Variants in ZMYM2 observed in about 807,000 individuals in gnomAD.
ZMYM2 encodes zinc finger MYM-type containing 2, also known as zinc finger MYM-type protein 2.
Under a neutral mutation model 162.8 loss-of-function variants are expected in ZMYM2, and 56 were observed. The ratio of observed to expected loss-of-function variants is 0.34; its 90% CI spans 0.28 to 0.43. The LOEUF (loss-of-function observed/expected upper bound fraction) is 0.43, where lower values mean the gene tolerates loss of function less well. Ranked by LOEUF, ZMYM2 falls within the 20% of genes least tolerant of loss-of-function variation. ZMYM2 has a pLI of 1.00. For synonymous variants in ZMYM2, 510 were observed against 541.6 expected, an observed-to-expected ratio of 0.94 and a Z score of 0.81; for missense variants, 1,275 against 1,621.8, an observed-to-expected ratio of 0.79 and a Z score of 3.67.
the ZMYM2 span, among the ~76,000 whole-genome samples, chr13:19,946,702 T>G: frequency 1.3e-5 from 2 of 152,336 alleles, no homozygotes; most frequent in East Asian, 3.9e-4. Flanking sequence ...TTGGCCTAAC[T>G]TAGACTCCCA....
At position 20,085,699 on chromosome 13, in the gene ZMYM2, G is replaced by A. The variant is rs1958217303; in HGVS notation, c.3942-123G>A. The A allele has an allele frequency of 1.0e-5, 7 of 673,902 alleles. No homozygotes were observed. The South Asian group carries it at 1.6e-4, about 15-fold the overall frequency. 41.7% of individuals were successfully genotyped at this position (673,902 alleles called of 1,614,324 possible). A position where few individuals can be genotyped will look rare whatever the true frequency, so the allele number is the denominator to read the frequency against. On this transcript the variant is annotated intron_variant, in intron 24 of 24. Coordinates refer to ENST00000610343, the MANE Select transcript of ZMYM2 (RefSeq NM_197968.4). ...TTTTAATGACAGAATAATGGAGACA[G>A]TGGGGCATAGGGGGTCTGGTCATAT...
In ZMYM2 at chr13:20,009,881, G is replaced by A. The variant is rs188623949; in HGVS notation, c.1512+3295G>A. Reference sequence around the variant, plus strand: ...GAATAATGCTGCAGTGAATATTGGTGTATAAATTTGATATAAGTATCCTGG... The same window carrying A: ...GAATAATGCTGCAGTGAATATTGGTATATAAATTTGATATAAGTATCCTGG... On this transcript the variant is annotated intron_variant, in intron 6 of 24. Coordinates refer to ENST00000610343, the MANE Select transcript of ZMYM2 (RefSeq NM_197968.4). 1.2e-3 allele frequency among the ~76,000 whole-genome samples: 188 copies of A among 152,302 alleles called. 1 individual carries two copies. Among genetic ancestry groups the A allele is most frequent in the Non-Finnish European group, 2.2e-3 (151 of 68,020 alleles).
chr13:19,953,550 G>T, the ZMYM2 span, among the ~76,000 whole-genome samples: 3 of 151,950 alleles, frequency 2.0e-5, no homozygotes, highest in Non-Finnish European at 4.4e-5. Flanking sequence ...TGGGCGTGGT[G>T]GCGCTTGCCT....
At chr13:19,929,917 C>T in the ZMYM2 span, among the ~76,000 whole-genome samples, 1 of 152,222 alleles carries the variant, frequency 6.6e-6, no homozygotes, top group Non-Finnish European at 1.5e-5. Flanking sequence ...TCTTCCTGGC[C>T]TCAAATTAGT....
the ZMYM2 span, among the ~76,000 whole-genome samples, chr13:19,885,556 T>C: frequency 4.6e-5 from 7 of 152,124 alleles, no homozygotes; most frequent in Non-Finnish European, 7.3e-5. Context: ...ATATGTATTT[T>C]AGGCTGGGTG....
the ZMYM2 span, among the ~76,000 whole-genome samples, chr13:19,946,807 T>C: frequency 6.6e-6 from 1 of 152,208 alleles, no homozygotes; most frequent in East Asian, 1.9e-4. Context: ...CACCACAAAG[T>C]GTACATTTAA....
At position 20,034,314 on chromosome 13, in the gene ZMYM2, A is replaced by G. The variant is rs769217602; in HGVS notation, c.2029A>G (p.Ile677Val). 56 of 1,611,530 alleles carry G rather than the reference A, an allele frequency of 3.5e-5. No individual in the cohort carries two copies. Among genetic ancestry groups the G allele is most frequent in the Non-Finnish European group, 4.5e-5 (53 of 1,179,156 alleles). ...CSDDYKKLHCIVTYCEYCQEE... is the reference protein window; with the variant it reads ...CSDDYKKLHCVVTYCEYCQEE... ...AGATGACTATAAGAAGTTGCATTGC[A>G]TAGTTACATATTGCGAATACTGTCA... The change falls in exon 11 of 25, where the codon ATA becomes GTA. Residue 677 changes from isoleucine (I) to valine (V), a missense_variant. This residue lies in a region of ZMYM2 where 276 missense variants were observed against 311.8 expected (regional missense o/e 0.89). Transcript: ENST00000610343.
chr13:20,012,039 A>G (rs1350978407), intron 6 of ZMYM2, among the ~76,000 whole-genome samples: 1 of 151,808 alleles, frequency 6.6e-6, no homozygotes, highest in African/African-American at 2.4e-5. Flanking sequence ...CGTGAGCCAC[A>G]GCGCCTGGGC....
chr13:19,897,472 A>T, the ZMYM2 span, among the ~76,000 whole-genome samples: 2 of 152,140 alleles, frequency 1.3e-5, no homozygotes, highest in Non-Finnish European at 2.9e-5. Flanking sequence ...GCCCCTGGGC[A>T]GGCCAGGAGC....
intron 6 of ZMYM2, among the ~76,000 whole-genome samples, chr13:20,017,200 ACTTTACCATGG>A (rs1951700098): frequency 6.6e-6 from 1 of 152,164 alleles, no homozygotes; most frequent in Non-Finnish European, 1.5e-5. Flanking sequence ...GCCTTCTCTG[ACTTTACCATGG>A]CTAGGGTGCT....
At chr13:20,022,515 A>G (rs1210888071) in intron 7 of ZMYM2, among the ~76,000 whole-genome samples, 2 of 152,182 alleles carry the variant, frequency 1.3e-5, no homozygotes, top group African/African-American at 4.8e-5. Flanking sequence ...AAGTTAAGCA[A>G]ACTTTTCACC....
intron 2 of ZMYM2, among the ~76,000 whole-genome samples, chr13:19,983,147 C>CTTTT (rs536615645): frequency 2.1e-5 from 3 of 141,984 alleles, no homozygotes; most frequent in Non-Finnish European, 4.6e-5. Flanking sequence ...CCCACTTTCA[C>CTTTT]TTTTTTTTTT....
intron 19 of ZMYM2, among the ~76,000 whole-genome samples, 160 bp downstream of exon 19, chr13:20,064,705 T>C (rs1258594348): frequency 7.0e-6 from 1 of 143,428 alleles, no homozygotes. Flanking sequence ...AATATATTAC[T>C]GCTATTTATT....
At chr13:19,934,767 C>CAT in the ZMYM2 span, among the ~76,000 whole-genome samples, 1 of 147,352 alleles carries the variant, frequency 6.8e-6, no homozygotes, top group African/African-American at 2.6e-5. Context: ...TTCTTTCTTT[C>CAT]TTTCTTTTTT....
At chr13:19,884,574 A>C in the ZMYM2 span, among the ~76,000 whole-genome samples, 2 of 152,082 alleles carry the variant, frequency 1.3e-5, no homozygotes, top group Non-Finnish European at 2.9e-5. Flanking sequence ...AACCTGTATC[A>C]AAAAGAAAAA....
At chr13:19,946,874 T>C in the ZMYM2 span, among the ~76,000 whole-genome samples, 1 of 152,214 alleles carries the variant, frequency 6.6e-6, no homozygotes, top group African/African-American at 2.4e-5. Flanking sequence ...ATAGATGTGG[T>C]GTCTTAAAAG....
intron 12 of ZMYM2, among the ~76,000 whole-genome samples, chr13:20,050,071 T>G (rs111276398): frequency 2.6e-5 from 4 of 152,140 alleles, no homozygotes; most frequent in African/African-American, 9.6e-5. Flanking sequence ...TTAAGTGCTA[T>G]TGTTACTGAG....
the ZMYM2 span, chr13:19,865,188 C>T: frequency 6.6e-6 from 1 of 152,156 alleles, no homozygotes; most frequent in Non-Finnish European, 1.5e-5. Flanking sequence ...GCTTGGGCCA[C>T]ACATAAAATA....
intron 2 of ZMYM2, among the ~76,000 whole-genome samples, chr13:19,987,577 G>A (rs1309153503): frequency 1.3e-5 from 2 of 148,482 alleles, no homozygotes; most frequent in East Asian, 2.0e-4. Context: ...CGCTACGTGT[G>A]TGTGTGTGTG....
Sources: gnomAD v4.1 joint callset for allele counts (sites outside exome capture counted in the v4.1 genomes callset) on GRCh38, gnomAD v4.1.1 for gene constraint, gnomAD v4.1.1 regional missense constraint, MANE v1.5 for transcripts, NCBI Gene and HGNC (gene_info 2026-07-23, HGNC 2026-07-21) for gene names.